Variants in AHCTF1 observed in about 807,000 individuals in gnomAD.
AHCTF1 encodes the protein protein ELYS.
Under a neutral mutation model 248.4 loss-of-function variants are expected in AHCTF1, and 24 were observed. The observed-to-expected ratio is 0.10, with a 90% CI of 0.07 to 0.14. The LOEUF is 0.14. AHCTF1 is among the 10% of genes least tolerant of loss of function. The pLI is 1.00. For missense variants in AHCTF1, 2,206 were observed against 2,636.2 expected, an observed-to-expected ratio of 0.84 and a Z score of 3.57; for synonymous variants, 786 against 929.8, an observed-to-expected ratio of 0.85 and a Z score of 2.81.
chr1:246,909,595 T>C (rs1253604301), intron 4 of AHCTF1, among the ~76,000 whole-genome samples: 2 of 152,112 alleles, frequency 1.3e-5, no homozygotes, highest in Middle Eastern at 3.2e-3. Context: ...CTTATTTGAC[T>C]TAACAGCCTC....
At chr1:246,841,385 C>G (rs2103024190) in intron 35 of AHCTF1, among the ~76,000 whole-genome samples, 1 of 152,332 alleles carries the variant, frequency 6.6e-6, no homozygotes, top group Middle Eastern at 3.4e-3. Context: ...TGATCAAACA[C>G]AGCAATTAGC....
At chr1:246,854,919 C>T (rs553315605) in intron 31 of AHCTF1, among the ~76,000 whole-genome samples, 2 of 151,926 alleles carry the variant, frequency 1.3e-5, no homozygotes, top group South Asian at 4.2e-4. Context: ...AGGAAAGACA[C>T]TTTAAATGGT....
chr1:246,924,753 T>C (rs1319003126), intron 1 of AHCTF1, among the ~76,000 whole-genome samples: 2 of 152,236 alleles, frequency 1.3e-5, no homozygotes, highest in Non-Finnish European at 2.9e-5. Context: ...TAATCACATA[T>C]GTCACCATTA....
chr1:246,883,089 T>C (rs775719910), intron 21 of AHCTF1, among the ~76,000 whole-genome samples: 2 of 152,200 alleles, frequency 1.3e-5, no homozygotes, highest in South Asian at 2.1e-4. Context: ...CATAAATTAA[T>C]AGTTCAAAAC....
chr1:246,859,133 TTAGAG>T (rs1307770378), intron 29 of AHCTF1, among the ~76,000 whole-genome samples: 4 of 152,180 alleles, frequency 2.6e-5, no homozygotes, highest in East Asian at 1.9e-4. Context: ...CCTAAAGTTC[TTAGAG>T]TAATTAATAA....
At chr1:246,905,878 ACT>A (rs1665351867) in intron 5 of AHCTF1, among the ~76,000 whole-genome samples, 1 of 152,162 alleles carries the variant, frequency 6.6e-6, no homozygotes, top group South Asian at 2.1e-4. Flanking sequence ...AACTGGGAAG[ACT>A]CAGATGCAGT....
Position 246,867,641 on chromosome 1 carries a change from A to C in AHCTF1, c.3239+20T>G. The C allele has an allele frequency of 6.2e-7, 1 of 1,609,442 alleles. No homozygotes were observed. The highest frequency in any genetic ancestry group is 8.5e-7 in the Non-Finnish European group (1 of 1,178,816). ...AAGATTAACAAGCAGCATGACTATGAAACGTGTAAGAAAACATACCTATTG... is the reference window on the plus strand; with the variant it reads ...AAGATTAACAAGCAGCATGACTATGCAACGTGTAAGAAAACATACCTATTG... On this transcript the variant is annotated intron_variant, in intron 25 of 35. Transcript: ENST00000648844.
Position 246,927,369 on chromosome 1 carries a change from A to AT in AHCTF1, c.-8+4208dup, listed in dbSNP as rs762372372. On this transcript the variant is annotated intron_variant, in intron 1 of 35. Coordinates refer to ENST00000648844, the MANE Select transcript of AHCTF1 (RefSeq NM_001323342.2). ...CCAGCCACGGCTGCATACGCTTGTC[A>AT]TCCCGACTACTTGGGAAGCTGAGGC... Among the ~76,000 whole-genome samples, 374 of 152,160 alleles carry AT rather than the reference A, an allele frequency of 2.5e-3. 1 individual carries two copies. The highest frequency in any genetic ancestry group is 5.4e-3 in the Admixed American group (83 of 15,286).
At chr1:246,867,874 T>TATGA (rs1393512516) in intron 24 of AHCTF1, 63 bp from the exon 25 acceptor site, 1 of 1,139,308 alleles carries the variant, frequency 8.8e-7, no homozygotes, top group Non-Finnish European at 1.2e-6. Flanking sequence ...AATAAAAGCA[T>TATGA]ATGAAAGAAT....
chr1:246,856,396 G>C (rs111766571), intron 30 of AHCTF1, among the ~76,000 whole-genome samples: 2 of 152,232 alleles, frequency 1.3e-5, no homozygotes, highest in East Asian at 3.9e-4. Context: ...AATAGTATTT[G>C]AAAGTAAATT....
At chr1:246,904,275 G>C (rs552808551) in intron 6 of AHCTF1, among the ~76,000 whole-genome samples, 1 of 152,272 alleles carries the variant, frequency 6.6e-6, no homozygotes, top group South Asian at 2.1e-4. Flanking sequence ...GATATCTTAT[G>C]TAGCAAAGAC....
chr1:246,850,678 A>C lies in AHCTF1; in HGVS notation c.5328T>G (p.Thr1776=), dbSNP rs1294863007. 5 of 1,613,824 alleles carry C rather than the reference A, an allele frequency of 3.1e-6. No homozygotes were observed. Among genetic ancestry groups the C allele is most frequent in the Non-Finnish European group, 4.2e-6 (5 of 1,179,882 alleles). The change falls in exon 33 of 36, where the codon ACT becomes ACG. Residue 1776 remains threonine, a synonymous_variant. Coordinates refer to ENST00000648844, the MANE Select transcript of AHCTF1 (RefSeq NM_001323342.2). ...CTTCAGAAATTTCTTTTGCCTTCCT[A>C]GTTTTCTTCCTGACTGACTGCCCTG... The part of the protein sequence containing the change: ...KMPGQSVRKK[T]RKAKEISEAS...
At chr1:246,891,658 C>A in intron 15 of AHCTF1, 121 bp downstream of exon 15, 1 of 1,043,718 alleles carries the variant, frequency 9.6e-7, no homozygotes. Flanking sequence ...AACCCTAGCA[C>A]TGGAGAAATA....
At position 246,907,673 on chromosome 1, in the gene AHCTF1, C is replaced by A. The variant is rs1262415433; in HGVS notation, c.642G>T (p.Gln214His). ...CAGCTGTTCCTGTTGGACTTACTAA[C>A]TGGAAACACAGATGGCGCCCTTGTC... ...VMRQGRHLCF[Q>H]LVSPTGTAVS... The change falls in exon 5 of 36, where the codon CAG (glutamine) becomes CAT (histidine). Residue 214 changes from glutamine (Q) to histidine (H), a missense_variant. Coordinates refer to ENST00000648844, the MANE Select transcript of AHCTF1 (RefSeq NM_001323342.2). 24 of 1,613,818 alleles carry A rather than the reference C, an allele frequency of 1.5e-5. No individual in the cohort carries two copies. Among genetic ancestry groups the A allele is most frequent in the Non-Finnish European group, 1.9e-5 (22 of 1,179,914 alleles).
At chr1:246,853,873 T>G (rs1338750942) in intron 31 of AHCTF1, among the ~76,000 whole-genome samples, 2 of 152,144 alleles carry the variant, frequency 1.3e-5, no homozygotes, top group Non-Finnish European at 2.9e-5. Flanking sequence ...ATCCCTAACA[T>G]GTGGATACTA....
At chr1:246,851,565 G>C in intron 32 of AHCTF1, 123 bp from the exon 33 acceptor site, 1 of 823,538 alleles carries the variant, frequency 1.2e-6, no homozygotes, top group Non-Finnish European at 1.8e-6. Flanking sequence ...ATTTAATATG[G>C]CATATACTTA....
intron 21 of AHCTF1, among the ~76,000 whole-genome samples, chr1:246,883,034 A>G (rs1462476521): frequency 2.6e-5 from 4 of 152,262 alleles, no homozygotes; most frequent in African/African-American, 7.2e-5. Context: ...TGCTGTTTCA[A>G]TAACATTATT....
chr1:246,898,468 C>A (rs917673451), intron 11 of AHCTF1, 132 bp from the exon 12 acceptor site: 3 of 1,010,422 alleles, frequency 3.0e-6, no homozygotes, highest in Non-Finnish European at 4.3e-6. Context: ...GACTATATTT[C>A]CTGCAAGAAA....
chr1:246,866,046 A>G (rs1331882912), intron 26 of AHCTF1, among the ~76,000 whole-genome samples: 1 of 152,158 alleles, frequency 6.6e-6, no homozygotes, highest in Non-Finnish European at 1.5e-5. Flanking sequence ...CAGCCTTACT[A>G]TATGATGTAC....
Sources: gnomAD v4.1 joint callset for allele counts (sites outside exome capture counted in the v4.1 genomes callset) on GRCh38, gnomAD v4.1.1 for gene constraint, MANE v1.5 for transcripts, NCBI Gene and HGNC (gene_info 2026-07-23, HGNC 2026-07-21) for gene names.